Variants in LARGE1 observed in about 807,000 individuals in gnomAD.
The protein encoded by LARGE1 is LARGE xylosyl- and glucuronyltransferase 1.
In LARGE1, 43 loss-of-function variants were observed where a neutral mutation model predicts 87.6. The ratio of observed to expected loss-of-function variants is 0.49; its 90% CI spans 0.38 to 0.63. LARGE1 has a LOEUF of 0.63. Among genes scored for constraint, LARGE1 ranks in the 30% least tolerant of loss-of-function variants. LARGE1 has a pLI of 0.00. For missense variants in LARGE1, 802 were observed against 1,000.2 expected, an observed-to-expected ratio of 0.80 and a Z score of 2.67; for synonymous variants, 434 against 394.6, an observed-to-expected ratio of 1.10 and a Z score of -1.18.
intron 2 of LARGE1, among the ~76,000 whole-genome samples, chr22:33,681,306 A>G (rs2081763466): frequency 6.6e-6 from 1 of 152,236 alleles, no homozygotes; most frequent in South Asian, 2.1e-4. Flanking sequence ...GTAGAAAGTT[A>G]TTAAAACAGG....
At chr22:33,207,685 T>C (rs551358112) in intron 11 of LARGE1, among the ~76,000 whole-genome samples, 55 of 152,176 alleles carry the variant, frequency 3.6e-4, no homozygotes, top group Non-Finnish European at 6.8e-4. Context: ...ACCCAGCCAT[T>C]GCTCTATTTC....
chr22:33,116,056 A>T, the LARGE1 span, among the ~76,000 whole-genome samples: 20 of 152,254 alleles, frequency 1.3e-4, no homozygotes, highest in Admixed American at 5.2e-4. Context: ...CTAATACACT[A>T]GGTGTCCTAG....
intron 2 of LARGE1, among the ~76,000 whole-genome samples, chr22:33,683,121 C>T (rs1170658692): frequency 6.6e-6 from 1 of 152,170 alleles, no homozygotes; most frequent in Non-Finnish European, 1.5e-5. Context: ...CTTGACTGGG[C>T]TACAGGGTGC....
At chr22:33,122,561 G>A in the LARGE1 span, among the ~76,000 whole-genome samples, 2 of 152,172 alleles carry the variant, frequency 1.3e-5, no homozygotes, top group South Asian at 2.1e-4. Flanking sequence ...GTTTCTCCAT[G>A]TTGGTCAGGC....
chr22:33,124,107 T>C, the LARGE1 span, among the ~76,000 whole-genome samples: 1 of 151,980 alleles, frequency 6.6e-6, no homozygotes, highest in Non-Finnish European at 1.5e-5. Context: ...TCCAACATGG[T>C]GGAACCCCAT....
chr22:33,628,858 G>C (rs886715501), intron 3 of LARGE1, among the ~76,000 whole-genome samples: 5 of 152,206 alleles, frequency 3.3e-5, no homozygotes, highest in South Asian at 2.1e-4. Flanking sequence ...GGTCTGGGGT[G>C]GGGGGCAGGG....
chr22:33,680,328 C>T lies in LARGE1; in HGVS notation c.107-29660G>A, dbSNP rs540799928. On this transcript the variant is annotated intron_variant, in intron 2 of 14. Coordinates refer to ENST00000397394, the MANE Select transcript of LARGE1 (RefSeq NM_133642.5). Reference sequence around the variant, plus strand: ...ACTTTTCTAACTCCAGAATGGGGCTCGGGGCGGGTGCAGAAGAGGCTTTTG... The same window carrying T: ...ACTTTTCTAACTCCAGAATGGGGCTTGGGGCGGGTGCAGAAGAGGCTTTTG... Among the ~76,000 whole-genome samples, 8 of 152,194 alleles carry T rather than the reference C, an allele frequency of 5.3e-5. No individual in the cohort carries two copies. The South Asian group carries it at 8.3e-4, about 16-fold the overall frequency.
intron 11 of LARGE1, among the ~76,000 whole-genome samples, chr22:33,244,723 C>T (rs575575028): frequency 6.6e-6 from 1 of 152,274 alleles, no homozygotes; most frequent in South Asian, 2.1e-4. Context: ...TGGCGTAAAT[C>T]ATCGTGTCTA....
At chr22:33,640,365 T>C (rs1038048603) in intron 3 of LARGE1, among the ~76,000 whole-genome samples, 2 of 152,192 alleles carry the variant, frequency 1.3e-5, no homozygotes, top group South Asian at 4.1e-4. Flanking sequence ...GGGTTCCTCA[T>C]AGAAGAATTC....
In LARGE1 at chr22:33,456,974, G is replaced by A. The variant is rs114308149; in HGVS notation, c.788-24709C>T. ...TGTGCACTTGCAATGTGGAAACTTCGCAGAGAAGGGCAAAGCCAGGCACTA... is the reference window on the plus strand; with the variant it reads ...TGTGCACTTGCAATGTGGAAACTTCACAGAGAAGGGCAAAGCCAGGCACTA... On this transcript the variant is annotated intron_variant, in intron 6 of 14. Transcript: ENST00000397394. Among the ~76,000 whole-genome samples, 695 of 152,256 alleles carry A rather than the reference G, an allele frequency of 4.6e-3. 7 individuals carry two copies. The highest frequency in any genetic ancestry group is 0.016 in the African/African-American group (655 of 41,528).
At chr22:33,651,439 T>C (rs2149189464) in intron 2 of LARGE1, among the ~76,000 whole-genome samples, 1 of 151,352 alleles carries the variant, frequency 6.6e-6, no homozygotes, top group Admixed American at 6.6e-5. Flanking sequence ...TGACTAAGTT[T>C]ATTGAGCTCT....
At chr22:33,128,680 C>CAAAAAA in the LARGE1 span, among the ~76,000 whole-genome samples, 76 of 109,870 alleles carry the variant, frequency 6.9e-4, no homozygotes, top group East Asian at 1.6e-3. Context: ...GTCTCAAAAA[C>CAAAAAA]AAAAAAAAAA....
chr22:33,324,972 G>A (rs1293915942), intron 10 of LARGE1, among the ~76,000 whole-genome samples: 1 of 152,198 alleles, frequency 6.6e-6, no homozygotes, highest in Non-Finnish European at 1.5e-5. Context: ...CAACTCTACA[G>A]ATCAAGAACC....
chr22:33,484,218 C>T (rs1301901237), intron 6 of LARGE1, among the ~76,000 whole-genome samples: 1 of 152,044 alleles, frequency 6.6e-6, no homozygotes, highest in African/African-American at 2.4e-5. Context: ...CACAATCTTT[C>T]TTGATAAAAT....
intron 1 of LARGE1, among the ~76,000 whole-genome samples, chr22:33,864,422 C>G (rs1248057521): frequency 1.3e-5 from 2 of 152,196 alleles, no homozygotes; most frequent in Non-Finnish European, 2.9e-5. Context: ...ACTTAAGAAA[C>G]CAATGCTGGC....
rs554444492 is a variant in LARGE1 at position 33,564,290 on chromosome 22, T to C, written c.787+558A>G. On this transcript the variant is annotated intron_variant, in intron 6 of 14. Transcript: ENST00000397394. ...TTAGTACACCTACTGAGCTCACAAT[T>C]TCCCCCTAGGTACTCTCATATACCT... Among the ~76,000 whole-genome samples the C allele has an allele frequency of 5.3e-5, 8 of 152,232 alleles. No homozygotes were observed. In the East Asian group the frequency reaches 9.7e-4, roughly 18 times the overall value.
In LARGE1 at chr22:33,650,604, G is replaced by T; in HGVS notation, c.171C>A (p.Ser57=). The change falls in exon 3 of 15, where the codon TCC becomes TCA. Residue 57 remains serine (S), a synonymous_variant. Transcript: ENST00000397394. ...CCAGGCTCTCGCGCTCCCGCTGGCT[G>T]GAGGCCGTGTACCTGGGGCTGTGTG... ...SQAHSPRYTA[S]SQRERESLEV... 6.2e-7 allele frequency: 1 copy of T among 1,604,778 alleles called. No homozygotes were observed. Among genetic ancestry groups the T allele is most frequent in the Non-Finnish European group, 8.5e-7 (1 of 1,179,938 alleles).
chr22:33,279,901 A>G (rs1930100630), intron 13 of LARGE1, among the ~76,000 whole-genome samples: 1 of 152,204 alleles, frequency 6.6e-6, no homozygotes, highest in South Asian at 2.1e-4. Flanking sequence ...CCATCAGGCC[A>G]GGGTTCAAAT....
chr22:33,394,457 C>T (rs945121944), intron 7 of LARGE1, among the ~76,000 whole-genome samples: 5 of 152,126 alleles, frequency 3.3e-5, no homozygotes, highest in African/African-American at 7.2e-5. Flanking sequence ...CTCGGCCTCC[C>T]GAAGTCCTGG....
Sources: gnomAD v4.1 joint callset for allele counts (sites outside exome capture counted in the v4.1 genomes callset) on GRCh38, gnomAD v4.1.1 for gene constraint, MANE v1.5 for transcripts, NCBI Gene and HGNC (gene_info 2026-07-23, HGNC 2026-07-21) for gene names.